ZCCHC2: variants seen among roughly 807,000 people sequenced by gnomAD.
ZCCHC2 encodes zinc finger CCHC-type containing 2.
Under a neutral mutation model 103.6 loss-of-function variants are expected in ZCCHC2, and 39 were observed. The ratio of observed to expected loss-of-function variants is 0.38; its 90% CI spans 0.29 to 0.49. The LOEUF (loss-of-function observed/expected upper bound fraction) is 0.49. Among genes scored for constraint, ZCCHC2 ranks in the 20% least tolerant of loss-of-function variants. The pLI, the probability that ZCCHC2 is intolerant of heterozygous loss-of-function variation, is 0.96. For missense variants in ZCCHC2, 1,483 were observed against 1,491.0 expected, an observed-to-expected ratio of 0.99 and a Z score of 0.09; for synonymous variants, 687 against 608.9, an observed-to-expected ratio of 1.13 and a Z score of -1.89.
At chr18:62,531,347 G>A (rs10163944) in intron 1 of ZCCHC2, among the ~76,000 whole-genome samples, 3,290 of 152,110 alleles carry the variant, frequency 0.022, 113 homozygotes, top group African/African-American at 0.074. Flanking sequence ...CTATGCTCTC[G>A]GGAACATTTG....
rs1258604379 is a variant in ZCCHC2 at position 62,577,506 on chromosome 18, C to G, written c.*927C>G. The G allele has an allele frequency of 1.3e-5, 2 of 152,580 alleles. No homozygotes were observed. Among genetic ancestry groups the G allele is most frequent in the African/African-American group, 2.4e-5 (1 of 41,408 alleles). 9.5% of individuals were successfully genotyped at this position (152,580 alleles called of 1,614,324 possible). On this transcript the variant is annotated 3_prime_UTR_variant, in exon 14 of 14. Coordinates refer to ENST00000269499, the MANE Select transcript of ZCCHC2 (RefSeq NM_017742.6). ...ACTTGAGTGAAGATTTCTTCTTTCC[C>G]TGTACCAGCTGTTACAGTGTTACGT... is the stretch of plus-strand genomic sequence containing the variant.
intron 1 of ZCCHC2, among the ~76,000 whole-genome samples, chr18:62,534,091 A>T (rs1914817019): frequency 6.6e-6 from 1 of 152,102 alleles, no homozygotes; most frequent in African/African-American, 2.4e-5. Context: ...GGCTGTGCTT[A>T]TTTAATATAC....
intron 5 of ZCCHC2, 39 bp downstream of exon 5, chr18:62,550,499 A>G: frequency 6.5e-7 from 1 of 1,530,750 alleles, no homozygotes; most frequent in South Asian, 1.2e-5. Context: ...CAGCATACAC[A>G]CAGGACAAAG....
At chr18:62,528,513 C>A (rs539763125) in intron 1 of ZCCHC2, among the ~76,000 whole-genome samples, 1 of 151,064 alleles carries the variant, frequency 6.6e-6, no homozygotes, top group African/African-American at 2.4e-5. Context: ...GCAGGAGAAT[C>A]GCTTGAACCT....
intron 11 of ZCCHC2, among the ~76,000 whole-genome samples, chr18:62,567,955 A>AAAAAAAAAAAAAAAAAAAAAG (rs1568555841): frequency 3.3e-5 from 5 of 150,048 alleles, no homozygotes; most frequent in African/African-American, 9.9e-5. Flanking sequence ...AAAAAAAAAA[A>AAAAAAAAAAAAAAAAAAAAAG]AAAAGAATGC....
At chr18:62,532,465 C>G (rs1376791168) in intron 1 of ZCCHC2, among the ~76,000 whole-genome samples, 1 of 152,218 alleles carries the variant, frequency 6.6e-6, no homozygotes, top group Non-Finnish European at 1.5e-5. Flanking sequence ...ATACACCTTT[C>G]TAAAGCAACA....
At position 62,560,604 on chromosome 18, in the gene ZCCHC2, A is replaced by G. The variant is rs749108464; in HGVS notation, c.1510A>G (p.Ile504Val). ...SQEEDVLQHA[I>V]IHKKHTGKSP... The stretch of plus-strand genomic sequence containing the variant: ...TCTTCTAGATGTGTTGCAGCATGCC[A>G]TAATCCACAAGAAGCATACTGGGAA... Residue 504 changes from isoleucine to valine, a missense_variant, in exon 8 of 14, where the codon ATA becomes GTA. Physicochemically the swap from Ile to Val is conservative, Grantham distance 29 (BLOSUM62 3). This residue lies in a region of ZCCHC2 where 884 missense variants were observed against 907.5 expected (regional missense o/e 0.97). Transcript: ENST00000269499. 5.0e-6 allele frequency: 8 copies of G among 1,613,566 alleles called. No individual in the cohort carries two copies. In the South Asian group the frequency reaches 8.8e-5, roughly 18 times the overall value.
At position 62,523,576 on chromosome 18, in the gene ZCCHC2, C is replaced by T. The variant is rs1914165550; in HGVS notation, c.152C>T (p.Ala51Val). Residue 51 changes from alanine (A) to valine (V), a missense_variant, in exon 1 of 14, where the codon GCG becomes GTG. Physicochemically the swap from Ala to Val is moderately conservative, Grantham distance 64. This residue lies in a region of ZCCHC2 where 568 missense variants were observed against 525.1 expected (regional missense o/e 1.08). Coordinates refer to ENST00000269499, the MANE Select transcript of ZCCHC2 (RefSeq NM_017742.6). The stretch of plus-strand genomic sequence containing the variant: ...CCCCCGCCGCCGCCGCCGCCGCCCG[C>T]GGGCCCGTCGCGGGGCCCTCTGCCG... The part of the protein sequence containing the change: ...CRPPPPPPPP[A>V]GPSRGPLPPP... 6 of 960,544 alleles carry T rather than the reference C, an allele frequency of 6.2e-6. No individual in the cohort carries two copies. The highest frequency in any genetic ancestry group is 9.5e-5 in the South Asian group (2 of 21,014). The allele number at this position is 960,544 out of a possible 1,614,324, so 59.5% of individuals were successfully genotyped here.
At position 62,560,782 on chromosome 18, in the gene ZCCHC2, TC is replaced by T. The variant is rs1278058443; in HGVS notation, c.1550+140del. ...TTTTTATTTCTTCACTTTTTCTGTT[TC>T]CTTTTCTCACTTTTTTTGCCTCCTT... On this transcript the variant is annotated intron_variant, in intron 8 of 13. Transcript: ENST00000269499. 7.2e-6 allele frequency: 5 copies of T among 697,460 alleles called. No individual in the cohort carries two copies. The Admixed American group carries it at 1.6e-4, about 23-fold the overall frequency. The allele number at this position is 697,460 out of a possible 1,614,324, so 43.2% of individuals were successfully genotyped here. A position where few individuals can be genotyped will look rare whatever the true frequency, so the allele number is the denominator to read the frequency against.
intron 8 of ZCCHC2, among the ~76,000 whole-genome samples, chr18:62,561,291 G>T (rs931200158): frequency 6.6e-6 from 1 of 152,192 alleles, no homozygotes; most frequent in Non-Finnish European, 1.5e-5. Context: ...TAATTGGGCA[G>T]TTACTTTCCG....
chr18:62,543,967 A>G (rs1915308945), intron 3 of ZCCHC2, among the ~76,000 whole-genome samples: 1 of 152,232 alleles, frequency 6.6e-6, no homozygotes, highest in Admixed American at 6.5e-5. Flanking sequence ...TAAATGTGCC[A>G]GTTAATAAAG....
At chr18:62,543,603 G>T (rs1304739207) in intron 3 of ZCCHC2, among the ~76,000 whole-genome samples, 1 of 152,006 alleles carries the variant, frequency 6.6e-6, no homozygotes, top group Non-Finnish European at 1.5e-5. Flanking sequence ...CTGTCCTCTT[G>T]CCTGAAATGC....
In ZCCHC2 at chr18:62,544,796, A is replaced by C; in HGVS notation, c.1129-6A>C. 12 of 1,540,250 alleles carry C rather than the reference A, an allele frequency of 7.8e-6. No individual in the cohort carries two copies. Among genetic ancestry groups the C allele is most frequent in the Non-Finnish European group, 1.0e-5 (12 of 1,144,522 alleles). On this transcript the variant is annotated splice_region_variant and splice_polypyrimidine_tract_variant and intron_variant, in intron 3 of 13. Transcript: ENST00000269499. The stretch of plus-strand genomic sequence containing the variant: ...CCATATAATATGTGTGTTTTTTTTA[A>C]ATCAGGTAAATTGGTCTGATCTTTC...
At chr18:62,565,946 G>C (rs1916344939) in intron 11 of ZCCHC2, among the ~76,000 whole-genome samples, 1 of 152,066 alleles carries the variant, frequency 6.6e-6, no homozygotes, top group Non-Finnish European at 1.5e-5. Context: ...GTTACCTTTT[G>C]AATCTGAAAT....
Position 62,523,714 on chromosome 18 carries a change from G to C in ZCCHC2, c.290G>C (p.Arg97Pro). ...TCGGCGGCGCTGCGCGAGCAGGAGC[G>C]GGTATACGAGTGGTTCGGGCTGGTG... Reference protein sequence around the residue: ...GPSAALREQERVYEWFGLVLG... With the variant: ...GPSAALREQEPVYEWFGLVLG... Residue 97 changes from arginine to proline, a missense_variant, in exon 1 of 14, where the codon CGG (arginine) becomes CCG (proline). Around this residue, in one of 3 missense-constraint regions of ZCCHC2, gnomAD observed 568 missense variants for 525.1 expected, o/e 1.08. Coordinates refer to ENST00000269499, the MANE Select transcript of ZCCHC2 (RefSeq NM_017742.6). The C allele has an allele frequency of 6.8e-7, 1 of 1,477,772 alleles. No individual in the cohort carries two copies. Among genetic ancestry groups the C allele is most frequent in the African/African-American group, 1.5e-5 (1 of 68,374 alleles). 91.5% of individuals were successfully genotyped at this position (1,477,772 alleles called of 1,614,324 possible).
At chr18:62,527,611 C>T (rs6567287) in intron 1 of ZCCHC2, among the ~76,000 whole-genome samples, 116,047 of 152,072 alleles carry the variant, frequency 0.76, 44,478 homozygotes, top group East Asian at 0.79. Flanking sequence ...TCTCACATTC[C>T]TCACACAACT....
At position 62,574,819 on chromosome 18, in the gene ZCCHC2, C is replaced by T; in HGVS notation, c.2738C>T (p.Pro913Leu). Residue 913 changes from proline (P) to leucine (L), a missense_variant, in exon 13 of 14, where the codon CCA becomes CTA. Transcript: ENST00000269499. ...PAAGLSAAQP[P>L]ASYPLPGSPL... is the part of the protein sequence containing the mutation. ...GCTGGCCTCTCAGCTGCTCAGCCAC[C>T]AGCTTCCTACCCCTTACCAGGCTCT... is the stretch of plus-strand genomic sequence containing the variant. The T allele has an allele frequency of 6.2e-7, 1 of 1,613,988 alleles. No homozygotes were observed. The highest frequency in any genetic ancestry group is 8.5e-7 in the Non-Finnish European group (1 of 1,179,894).
intron 1 of ZCCHC2, among the ~76,000 whole-genome samples, chr18:62,531,067 T>G (rs981470817): frequency 6.6e-6 from 1 of 152,234 alleles, no homozygotes; most frequent in Admixed American, 6.5e-5. Flanking sequence ...AATTTTTTTT[T>G]TTTTAAAGGG....
chr18:62,539,615 C>G (rs1363170306), intron 1 of ZCCHC2, 66 bp from the exon 2 acceptor site: 5 of 1,411,938 alleles, frequency 3.5e-6, no homozygotes, highest in Admixed American at 4.1e-5. Context: ...ATGAGAAGAC[C>G]TAAATCTGTG....
Sources: gnomAD v4.1 joint callset for allele counts (sites outside exome capture counted in the v4.1 genomes callset) on GRCh38, gnomAD v4.1.1 for gene constraint, gnomAD v4.1.1 regional missense constraint, MANE v1.5 for transcripts, NCBI Gene and HGNC (gene_info 2026-07-23, HGNC 2026-07-21) for gene names.